The following SV2B variants were observed in gnomAD, a reference collection of about 807,000 sequenced individuals.
SV2B encodes solute carrier family 22 member B2.
Under a neutral mutation model 73.9 loss-of-function variants are expected in SV2B, and 41 were observed. The ratio of observed to expected loss-of-function variants is 0.56; its 90% CI spans 0.43 to 0.72. SV2B has a LOEUF of 0.72. Among genes scored for constraint, SV2B ranks in the 30% least tolerant of loss-of-function variants. The pLI is 0.00. For synonymous variants in SV2B, 314 were observed against 314.2 expected (o/e 1.00, Z 0.01); for missense variants, 764 against 857.8 (o/e 0.89, Z 1.37).
rs1470985777 is a variant in SV2B at position 91,301,997 on chromosome 15, C to T, written c.*9445C>T. On this transcript the variant is annotated 3_prime_UTR_variant, in exon 13 of 13. Coordinates refer to ENST00000394232, the MANE Select transcript of SV2B (RefSeq NM_001323032.3). This position sits in a 1 kb window ranked among gnomAD's most constrained non-coding sequence, Gnocchi z 4.3. ...TATAATCACCCCACCAAACCTCTTC[C>T]AAAAGAAGCCAGGGTCATCTGCTGC... 6.6e-6 allele frequency among the ~76,000 whole-genome samples: 1 copy of T among 152,194 alleles called. No homozygotes were observed. Among genetic ancestry groups the T allele is most frequent in the African/African-American group, 2.4e-5 (1 of 41,444 alleles).
At chr15:91,157,253 A>T (rs1319721880) in intron 1 of SV2B, among the ~76,000 whole-genome samples, 1 of 152,132 alleles carries the variant, frequency 6.6e-6, no homozygotes, top group African/African-American at 2.4e-5. Context: ...ACAGGGAAGG[A>T]ATGGTTTCTG....
rs141829060 is a variant in SV2B, at chr15:91,261,519, T to C, written c.1008+1110T>C. Among the ~76,000 whole-genome samples, 58 of 152,316 alleles carry C rather than the reference T, an allele frequency of 3.8e-4. 1 individual carries two copies. The East Asian group carries it at 0.011, about 28-fold the overall frequency. Reference sequence around the variant, plus strand: ...GTAAATATTAGTGCAATGAACCTTCTTGTGCACATAGTTCCTTCCCCTTCA... The same window carrying C: ...GTAAATATTAGTGCAATGAACCTTCCTGTGCACATAGTTCCTTCCCCTTCA... On this transcript the variant is annotated intron_variant, in intron 6 of 12. Transcript: ENST00000394232. The surrounding 1 kb of genome is among the most constrained non-coding windows in gnomAD (Gnocchi z 4.7).
intron 5 of SV2B, among the ~76,000 whole-genome samples, chr15:91,259,500 CTTGG>C (rs1256651520): frequency 2.6e-5 from 4 of 152,280 alleles, no homozygotes; most frequent in Admixed American, 6.5e-5. Context: ...GTTTTGCACC[CTTGG>C]TTGGATATGA....
rs1054996279 is a variant in SV2B at position 91,234,137 on chromosome 15, C to T, written c.451+7423C>T. 2.6e-5 allele frequency among the ~76,000 whole-genome samples: 4 copies of T among 152,098 alleles called. No individual in the cohort carries two copies. Among genetic ancestry groups the T allele is most frequent in the Admixed American group, 2.6e-4 (4 of 15,268 alleles). ...GCCCATAGTAAATGAAGTCGAAATGCCAGACCTATGTTGGTTTATGGTAGA... is the reference window on the plus strand; with the variant it reads ...GCCCATAGTAAATGAAGTCGAAATGTCAGACCTATGTTGGTTTATGGTAGA... On this transcript the variant is annotated intron_variant, in intron 2 of 12. Coordinates refer to ENST00000394232, the MANE Select transcript of SV2B (RefSeq NM_001323032.3). The surrounding 1 kb of genome is among the most constrained non-coding windows in gnomAD (Gnocchi z 5.6).
At chr15:91,162,547 C>G (rs1036253178) in intron 1 of SV2B, among the ~76,000 whole-genome samples, 1 of 152,158 alleles carries the variant, frequency 6.6e-6, no homozygotes, top group Admixed American at 6.6e-5. Context: ...GCCTATGTCT[C>G]TGTAGCTCAG....
chr15:91,187,435 C>T (rs2044816559), intron 1 of SV2B, among the ~76,000 whole-genome samples: 1 of 152,170 alleles, frequency 6.6e-6, no homozygotes, highest in South Asian at 2.1e-4. Context: ...GTGAAAGTAG[C>T]AGGTAAAGGT....
Position 91,266,604 on chromosome 15 carries a change from A to G in SV2B, c.1031A>G (p.Lys344Arg), listed in dbSNP as rs1366530904. The G allele has an allele frequency of 2.5e-6, 4 of 1,614,040 alleles. No homozygotes were observed. The highest frequency in any genetic ancestry group is 1.1e-5 in the South Asian group (1 of 91,064). The change falls in exon 7 of 13, where the codon AAG becomes AGG. Residue 344 changes from lysine (K) to arginine (R), a missense_variant. Lys to Arg is a conservative substitution (Grantham distance 26). Transcript: ENST00000394232. The part of the protein sequence containing the change: ...VFTVSNIKTP[K>R]QMDEFIEIQS... ...CAGGTTTCCAACATCAAAACTCCCA[A>G]GCAAATGGATGAATTCATTGAGATC...
intron 1 of SV2B, among the ~76,000 whole-genome samples, chr15:91,152,895 C>T (rs547822764): frequency 2.6e-5 from 4 of 152,260 alleles, no homozygotes; most frequent in South Asian, 2.1e-4. Context: ...TACCTGAGAC[C>T]GGGCAATTTA....
At position 91,141,679 on chromosome 15, in the gene SV2B, C is replaced by T. The variant is rs1335482497; in HGVS notation, c.-392+41316C>T. Among the ~76,000 whole-genome samples the T allele has an allele frequency of 2.6e-5, 4 of 151,600 alleles. No homozygotes were observed. The highest frequency in any genetic ancestry group is 1.9e-4 in the East Asian group (1 of 5,176). On this transcript the variant is annotated intron_variant, in intron 1 of 12. Coordinates refer to ENST00000394232, the MANE Select transcript of SV2B (RefSeq NM_001323032.3). The surrounding 1 kb of genome is among the most constrained non-coding windows in gnomAD (Gnocchi z 4.6). ...CACAGTGAATGCTTAATAAATCATT[C>T]ATATTATTATTTTTTTCCTAAGGGT...
chr15:91,116,721 C>T (rs939248715), intron 1 of SV2B, among the ~76,000 whole-genome samples: 1 of 152,172 alleles, frequency 6.6e-6, no homozygotes, highest in Non-Finnish European at 1.5e-5. Context: ...CTGTATTAGT[C>T]TGTTCTCATA....
chr15:91,287,768 G>A (rs2048909494), intron 11 of SV2B, among the ~76,000 whole-genome samples: 1 of 152,216 alleles, frequency 6.6e-6, no homozygotes, highest in African/African-American at 2.4e-5. Flanking sequence ...TTTACTCATA[G>A]AGCTTTTAGA....
In SV2B at chr15:91,220,558, A is replaced by G. The variant is rs913920212; in HGVS notation, c.-391-5315A>G. 1.3e-5 allele frequency among the ~76,000 whole-genome samples: 2 copies of G among 152,246 alleles called. No homozygotes were observed. Among genetic ancestry groups the G allele is most frequent in the African/African-American group, 4.8e-5 (2 of 41,464 alleles). ...AATATTTTTAACTTTGTTTTCTGTG[A>G]TATTTAGTAATAAGCAAGAGTTTGC... On this transcript the variant is annotated intron_variant, in intron 1 of 12. Coordinates refer to ENST00000394232, the MANE Select transcript of SV2B (RefSeq NM_001323032.3). The surrounding 1 kb of genome is among the most constrained non-coding windows in gnomAD (Gnocchi z 4.1).
chr15:91,140,521 G>T lies in SV2B; in HGVS notation c.-392+40158G>T, dbSNP rs568967185. The stretch of plus-strand genomic sequence containing the variant: ...ATGAACTTCCCACACACTTCTGGCT[G>T]AAACTGGCCCCTAGTTAGCACTAGC... On this transcript the variant is annotated intron_variant, in intron 1 of 12. Coordinates refer to ENST00000394232, the MANE Select transcript of SV2B (RefSeq NM_001323032.3). The surrounding 1 kb of genome is among the most constrained non-coding windows in gnomAD (Gnocchi z 4.4). Among the ~76,000 whole-genome samples the T allele has an allele frequency of 1.8e-4, 28 of 152,308 alleles. No individual in the cohort carries two copies. The Middle Eastern group carries it at 0.01, about 56-fold the overall frequency.
At position 91,197,776 on chromosome 15, in the gene SV2B, G is replaced by A. The variant is rs1332745478; in HGVS notation, c.-391-28097G>A. Among the ~76,000 whole-genome samples, 1 of 152,034 alleles carries A rather than the reference G, an allele frequency of 6.6e-6. No homozygotes were observed. The highest frequency in any genetic ancestry group is 2.4e-5 in the African/African-American group (1 of 41,432). ...CAGCCAGGCCCGGTGGCCCACGCCT[G>A]TAATCCCAGCACTTTGGGAGGCCGA... On this transcript the variant is annotated intron_variant, in intron 1 of 12. Coordinates refer to ENST00000394232, the MANE Select transcript of SV2B (RefSeq NM_001323032.3). This position sits in a 1 kb window ranked among gnomAD's most constrained non-coding sequence, Gnocchi z 4.9.
Position 91,265,719 on chromosome 15 carries a change from T to G in SV2B, c.1009-863T>G. 6.6e-6 allele frequency among the ~76,000 whole-genome samples: 1 copy of G among 152,196 alleles called. No individual in the cohort carries two copies. Among genetic ancestry groups the G allele is most frequent in the East Asian group, 1.9e-4 (1 of 5,186 alleles). On this transcript the variant is annotated intron_variant, in intron 6 of 12. Coordinates refer to ENST00000394232, the MANE Select transcript of SV2B (RefSeq NM_001323032.3). The surrounding 1 kb of genome is among the most constrained non-coding windows in gnomAD (Gnocchi z 4.2). ...CTGTCTGACCTCAGGCGGAAGATCATTTGCAAAGGCTGCATAGCTGGGAGT... is the reference window on the plus strand; with the variant it reads ...CTGTCTGACCTCAGGCGGAAGATCAGTTGCAAAGGCTGCATAGCTGGGAGT...
rs1328596350 is a variant in SV2B at position 91,298,594 on chromosome 15, C to T, written c.*6042C>T. 1.3e-5 allele frequency: 2 copies of T among 152,324 alleles called. No individual in the cohort carries two copies. The highest frequency in any genetic ancestry group is 2.1e-4 in the South Asian group (1 of 4,824). 9.4% of individuals were successfully genotyped at this position (152,324 alleles called of 1,614,324 possible). ...AAGAGATTTATTTAGCAGGACCATACTATGCCCCCTGGAAGGTTCAGTTTA... is the reference window on the plus strand; with the variant it reads ...AAGAGATTTATTTAGCAGGACCATATTATGCCCCCTGGAAGGTTCAGTTTA... On this transcript the variant is annotated 3_prime_UTR_variant, in exon 13 of 13. Transcript: ENST00000394232. This position sits in a 1 kb window ranked among gnomAD's most constrained non-coding sequence, Gnocchi z 5.4.
At chr15:91,135,307 C>T (rs1383443741) in intron 1 of SV2B, among the ~76,000 whole-genome samples, 1 of 152,194 alleles carries the variant, frequency 6.6e-6, no homozygotes, top group African/African-American at 2.4e-5. Flanking sequence ...CCGTTGGAGG[C>T]AATATCCACC....
intron 2 of SV2B, among the ~76,000 whole-genome samples, chr15:91,233,273 C>A (rs1239320643): frequency 6.6e-6 from 1 of 152,004 alleles, no homozygotes; most frequent in Non-Finnish European, 1.5e-5. Flanking sequence ...TCTGGGTGAC[C>A]GAGTACATGA....
intron 9 of SV2B, among the ~76,000 whole-genome samples, chr15:91,277,427 CA>C (rs1010129255): frequency 7.2e-5 from 11 of 152,176 alleles, no homozygotes; most frequent in African/African-American, 2.2e-4. Context: ...TAACCATCAA[CA>C]CAAGCAAGAT....
Sources: gnomAD v4.1 joint callset for allele counts (sites outside exome capture counted in the v4.1 genomes callset) on GRCh38, gnomAD v4.1.1 for gene constraint, Gnocchi (gnomAD v3.1) non-coding constraint, MANE v1.5 for transcripts, NCBI Gene and HGNC (gene_info 2026-07-23, HGNC 2026-07-21) for gene names.